Variants in POC1A observed in about 807,000 individuals in gnomAD.
POC1A encodes the protein POC1 centriolar protein homolog A.
POC1A carries 34 observed loss-of-function variants against 47.8 expected under a neutral mutation model. That is an observed-to-expected ratio of 0.71 (90% CI 0.54 to 0.95). The LOEUF is 0.95. Ranked by LOEUF, POC1A falls within the 40% of genes least tolerant of loss-of-function variation. POC1A has a pLI of 0.00. For synonymous variants in POC1A, 177 were observed against 207.6 expected, an observed-to-expected ratio of 0.85 and a Z score of 1.27; for missense variants, 466 against 528.3, an observed-to-expected ratio of 0.88 and a Z score of 1.16.
In POC1A at chr3:52,148,318, G is replaced by A. The variant is rs113732476; in HGVS notation, c.455+892C>T. 3.3e-5 allele frequency among the ~76,000 whole-genome samples: 5 copies of A among 152,316 alleles called. 1 individual carries two copies. Among genetic ancestry groups the A allele is most frequent in the African/African-American group, 1.2e-4 (5 of 41,580 alleles). On this transcript the variant is annotated intron_variant, in intron 4 of 10. Transcript: ENST00000296484. ...TCATAAAGCCTCTAAGAGCCATCAG[G>A]GGTCTCCCAGGACAAAGGAATGGGG...
intron 10 of POC1A, among the ~76,000 whole-genome samples, chr3:52,085,262 AG>A (rs1216292830): frequency 1.3e-5 from 2 of 152,138 alleles, no homozygotes; most frequent in African/African-American, 2.4e-5. Flanking sequence ...AGGGCCTCCC[AG>A]GCAGGGCTCG....
At chr3:52,111,404 T>A (rs1006109903) in intron 9 of POC1A, among the ~76,000 whole-genome samples, 32 of 151,996 alleles carry the variant, frequency 2.1e-4, no homozygotes, top group African/African-American at 7.5e-4. Context: ...CCCAACACTT[T>A]GGGAGGCCAA....
rs1702596629 is a variant in POC1A at position 52,090,128 on chromosome 3, G to C, written c.1125+6441C>G. Among the ~76,000 whole-genome samples, 1 of 152,076 alleles carries C rather than the reference G, an allele frequency of 6.6e-6. No individual in the cohort carries two copies. Among genetic ancestry groups the C allele is most frequent in the Admixed American group, 6.5e-5 (1 of 15,284 alleles). On this transcript the variant is annotated intron_variant, in intron 10 of 10. Coordinates refer to ENST00000296484, the MANE Select transcript of POC1A (RefSeq NM_015426.5). This position sits in a 1 kb window ranked among gnomAD's most constrained non-coding sequence, Gnocchi z 4.2. The stretch of plus-strand genomic sequence containing the variant: ...ATGCCAAAGAGACCCAAACAAGCAG[G>C]GCTGGTGGGCTTGCTCCCTGCCTGC...
At chr3:52,152,362 G>A (rs1698584949) in intron 1 of POC1A, among the ~76,000 whole-genome samples, 1 of 152,278 alleles carries the variant, frequency 6.6e-6, no homozygotes, top group Admixed American at 6.5e-5. Flanking sequence ...CTGAGGTCAA[G>A]AGTTCAAGAT....
rs1265990587 is a variant in POC1A, at chr3:52,075,893, T to G, written c.1218A>C (p.Thr406=). 1.2e-6 allele frequency: 2 copies of G among 1,610,226 alleles called. No individual in the cohort carries two copies. The highest frequency in any genetic ancestry group is 2.2e-5 in the East Asian group (1 of 44,868). The change falls in exon 11 of 11, where the codon ACA becomes ACC. Residue 406 remains threonine (T), a synonymous_variant. Transcript: ENST00000296484. The part of the protein sequence containing the change: ...ENQQLIMQRA[T]P ...CTGATTCCTGCTCCCCTGATCATGG[T>G]GTTGCTCTCTGCATGATTAGCTGCT...
intron 9 of POC1A, among the ~76,000 whole-genome samples, chr3:52,100,217 T>A (rs993138556): frequency 6.6e-6 from 1 of 152,212 alleles, no homozygotes; most frequent in African/African-American, 2.4e-5. Context: ...CCCAGACACA[T>A]GAGGAACCAA....
At chr3:52,151,599 A>G in intron 1 of POC1A, among the ~76,000 whole-genome samples, 1 of 148,070 alleles carries the variant, frequency 6.8e-6, no homozygotes, top group South Asian at 2.2e-4. Flanking sequence ...TGACAGAGCG[A>G]GACTCCGTCT....
At chr3:52,133,201 G>A (rs929068648) in intron 7 of POC1A, among the ~76,000 whole-genome samples, 4 of 152,102 alleles carry the variant, frequency 2.6e-5, no homozygotes, top group Admixed American at 6.6e-5. Flanking sequence ...GGTCCTTTCC[G>A]CCCTTCCACC....
chr3:52,129,175 A>G (rs2107121958), intron 7 of POC1A, among the ~76,000 whole-genome samples: 1 of 152,282 alleles, frequency 6.6e-6, no homozygotes, highest in East Asian at 1.9e-4. Flanking sequence ...GCTACTCGAG[A>G]GGCTGAGGCA....
chr3:52,128,483 G>A (rs1429612980), intron 7 of POC1A, among the ~76,000 whole-genome samples: 13 of 152,190 alleles, frequency 8.5e-5, no homozygotes, highest in Admixed American at 8.5e-4. Context: ...TGTTTACCAA[G>A]AGGACCACGC....
intron 2 of POC1A, 49 bp downstream of exon 2, chr3:52,150,967 G>T: frequency 8.4e-6 from 13 of 1,550,402 alleles, no homozygotes; most frequent in Non-Finnish European, 1.2e-5. Context: ...GTAAAAACTT[G>T]GCCTGTTCAG....
In POC1A at chr3:52,144,405, G is replaced by A. The variant is rs145855616; in HGVS notation, c.679+1441C>T. 2.9e-3 allele frequency among the ~76,000 whole-genome samples: 448 copies of A among 152,304 alleles called. 1 individual carries two copies. The highest frequency in any genetic ancestry group is 5.2e-3 in the Admixed American group (79 of 15,304). ...GAAAGAGCATTGGTAACAAACCTCAGGGCTTCCTATGGAGGGGGGTGGGGT... is the reference window on the plus strand; with the variant it reads ...GAAAGAGCATTGGTAACAAACCTCAAGGCTTCCTATGGAGGGGGGTGGGGT... On this transcript the variant is annotated intron_variant, in intron 6 of 10. Coordinates refer to ENST00000296484, the MANE Select transcript of POC1A (RefSeq NM_015426.5).
chr3:52,103,706 T>C (rs1159296319), intron 9 of POC1A, among the ~76,000 whole-genome samples: 1 of 152,150 alleles, frequency 6.6e-6, no homozygotes, highest in Non-Finnish European at 1.5e-5. Context: ...CCAAAACTTC[T>C]GCTCTTTGAA....
At chr3:52,131,457 C>T (rs1704206429) in intron 7 of POC1A, among the ~76,000 whole-genome samples, 1 of 152,166 alleles carries the variant, frequency 6.6e-6, no homozygotes, top group African/African-American at 2.4e-5. Context: ...CCCTTTCCTC[C>T]TGCTTAACGT....
intron 7 of POC1A, among the ~76,000 whole-genome samples, chr3:52,127,123 AC>A (rs1295485979): frequency 6.6e-6 from 1 of 152,216 alleles, no homozygotes; most frequent in African/African-American, 2.4e-5. Flanking sequence ...ATCCTAAGCC[AC>A]CATTAACCAG....
chr3:52,133,207 C>T (rs1373317711), intron 7 of POC1A, among the ~76,000 whole-genome samples: 1 of 152,160 alleles, frequency 6.6e-6, no homozygotes, highest in Non-Finnish European at 1.5e-5. Flanking sequence ...TTCCGCCCTT[C>T]CACCTTCTGC....
chr3:52,091,802 C>T (rs1236328165), intron 10 of POC1A, among the ~76,000 whole-genome samples: 2 of 152,244 alleles, frequency 1.3e-5, no homozygotes, highest in Non-Finnish European at 2.9e-5. Flanking sequence ...CACAGAACAG[C>T]TGGCACCAGT....
At position 52,084,406 on chromosome 3, in the gene POC1A, C is replaced by A. The variant is rs1702393071; in HGVS notation, c.1126-8421G>T. On this transcript the variant is annotated intron_variant, in intron 10 of 10. Transcript: ENST00000296484. This position sits in a 1 kb window ranked among gnomAD's most constrained non-coding sequence, Gnocchi z 4.3. ...GGACACTCACGACCCGCCTTGGGGG[C>A]AGCCAACAACATCATTCACTCCCAT... Among the ~76,000 whole-genome samples the A allele has an allele frequency of 6.6e-6, 1 of 152,182 alleles. No individual in the cohort carries two copies. Among genetic ancestry groups the A allele is most frequent in the Admixed American group, 6.5e-5 (1 of 15,274 alleles).
At chr3:52,148,020 A>T (rs902312815) in intron 4 of POC1A, among the ~76,000 whole-genome samples, 2 of 152,182 alleles carry the variant, frequency 1.3e-5, no homozygotes, top group African/African-American at 4.8e-5. Flanking sequence ...CCTCATGCAC[A>T]TAAAGCCCCA....
Sources: allele counts gnomAD v4.1 joint callset (sites outside exome capture counted in the v4.1 genomes callset), GRCh38; gene constraint gnomAD v4.1.1; non-coding constraint Gnocchi (gnomAD v3.1); transcripts MANE v1.5; gene names NCBI Gene and HGNC (gene_info 2026-07-23, HGNC 2026-07-21).